The following GATAD2A variants were observed in gnomAD, a reference collection of about 807,000 sequenced individuals.
GATAD2A encodes the protein GATA zinc finger domain containing 2A.
GATAD2A carries 12 observed loss-of-function variants against 68.5 expected under a neutral mutation model. That is an observed-to-expected ratio of 0.18 (90% CI 0.11 to 0.28). The LOEUF (loss-of-function observed/expected upper bound fraction) is 0.28. Among genes scored for constraint, GATAD2A ranks in the 10% least tolerant of loss-of-function variants. The probability of loss-of-function intolerance (pLI) is 1.00; values close to 1 mark genes in which losing one functional copy is unlikely to be tolerated. For synonymous variants in GATAD2A, 410 were observed against 375.3 expected (o/e 1.09, Z -1.07); for missense variants, 755 against 868.5 (o/e 0.87, Z 1.64).
intron 1 of GATAD2A, among the ~76,000 whole-genome samples, chr19:19,441,047 C>T (rs2055010413): frequency 6.6e-6 from 1 of 150,638 alleles, no homozygotes; most frequent in African/African-American, 2.4e-5. Context: ...TCTTTCCTTC[C>T]CTTCCTTCCG....
intron 1 of GATAD2A, among the ~76,000 whole-genome samples, chr19:19,430,465 T>C (rs1600102310): frequency 6.6e-6 from 1 of 152,050 alleles, no homozygotes; most frequent in East Asian, 1.9e-4. Context: ...AGGTGAACGG[T>C]GTTGTTGGGT....
chr19:19,452,271 C>T (rs2056472465), intron 1 of GATAD2A, among the ~76,000 whole-genome samples: 1 of 152,118 alleles, frequency 6.6e-6, no homozygotes, highest in South Asian at 2.1e-4. Context: ...TCTTGTTGCC[C>T]TTGGCTTCCC....
intron 2 of GATAD2A, among the ~76,000 whole-genome samples, chr19:19,466,580 C>T (rs531975718): frequency 1.1e-4 from 17 of 152,298 alleles, no homozygotes; most frequent in African/African-American, 2.6e-4. Context: ...ATGTCAAATT[C>T]GTTTTTGGAA....
Position 19,486,678 on chromosome 19 carries a change from A to G in GATAD2A, c.270-5628A>G, listed in dbSNP as rs909387449. Among the ~76,000 whole-genome samples the G allele has an allele frequency of 3.3e-5, 5 of 152,160 alleles. No individual in the cohort carries two copies. In the South Asian group the frequency reaches 8.3e-4, roughly 25 times the overall value. On this transcript the variant is annotated intron_variant, in intron 2 of 11. Transcript: ENST00000683918. Reference sequence around the variant, plus strand: ...CATTCTAGGGGCATGCAGGGTGGCTATGAGTGCTCTCAGGAAGGTCACTGT... The same window carrying G: ...CATTCTAGGGGCATGCAGGGTGGCTGTGAGTGCTCTCAGGAAGGTCACTGT...
chr19:19,422,275 T>A (rs1037833810), intron 1 of GATAD2A, among the ~76,000 whole-genome samples: 1 of 152,202 alleles, frequency 6.6e-6, no homozygotes, highest in Non-Finnish European at 1.5e-5. Flanking sequence ...GATTGCTTGC[T>A]TCCCACCGCA....
intron 1 of GATAD2A, among the ~76,000 whole-genome samples, chr19:19,409,281 C>A (rs576809559): frequency 6.6e-6 from 1 of 152,090 alleles, no homozygotes; most frequent in South Asian, 2.1e-4. Flanking sequence ...CCTTTCCCCC[C>A]CATAATTGAG....
chr19:19,412,803 G>C (rs1373739505), intron 1 of GATAD2A, among the ~76,000 whole-genome samples: 1 of 152,142 alleles, frequency 6.6e-6, no homozygotes, highest in Non-Finnish European at 1.5e-5. Flanking sequence ...TCTTACCTTA[G>C]AGACGGCTGC....
At chr19:19,495,383 A>T (rs1430501460) in intron 5 of GATAD2A, among the ~76,000 whole-genome samples, 1 of 151,876 alleles carries the variant, frequency 6.6e-6, no homozygotes, top group Admixed American at 6.6e-5. Flanking sequence ...ATCTTGGGTC[A>T]CTGCAACCTC....
rs977530840 is a variant in GATAD2A at position 19,496,126 on chromosome 19, C to T, written c.831C>T (p.Pro277=). 6.2e-7 allele frequency: 1 copy of T among 1,613,632 alleles called. No individual in the cohort carries two copies. ...TCCTGGCCCCCCGGGCGTCGGTGCC[C>T]AGTGTGCAGATTCAGGGACAGAGGA... ...PLLLAPRASV[P]SVQIQGQRII... is the part of the protein sequence containing the mutation. The change falls in exon 7 of 12, where the codon CCC becomes CCT. Residue 277 remains proline, a synonymous_variant. Coordinates refer to ENST00000683918, the MANE Select transcript of GATAD2A (RefSeq NM_001384528.1).
intron 1 of GATAD2A, among the ~76,000 whole-genome samples, chr19:19,425,829 G>A (rs2053015965): frequency 2.0e-5 from 3 of 150,568 alleles, no homozygotes; most frequent in Non-Finnish European, 3.0e-5. Flanking sequence ...TGGCTCTGTC[G>A]CCCAGGCTGG....
At position 19,473,527 on chromosome 19, in the gene GATAD2A, A is replaced by G. The variant is rs118143853; in HGVS notation, c.269+7913A>G. On this transcript the variant is annotated intron_variant, in intron 2 of 11. Transcript: ENST00000683918. The stretch of plus-strand genomic sequence containing the variant: ...TTTTTAGACTTTTGCAGTCACCAAG[A>G]GGGCGGTGGGGTGACACATCTGTGT... 5.2e-3 allele frequency among the ~76,000 whole-genome samples: 798 copies of G among 152,264 alleles called. 6 individuals carry two copies. The highest frequency in any genetic ancestry group is 0.04 in the South Asian group (194 of 4,816).
Position 19,465,563 on chromosome 19 carries a change from G to A in GATAD2A, c.218G>A (p.Arg73Lys). 6.2e-7 allele frequency: 1 copy of A among 1,613,832 alleles called. No individual in the cohort carries two copies. The highest frequency in any genetic ancestry group is 8.5e-7 in the Non-Finnish European group (1 of 1,179,776). Residue 73 changes from arginine to lysine, a missense_variant, in exon 2 of 12, where the codon AGA (arginine) becomes AAA (lysine). By Grantham distance (26) the Arg-to-Lys change is conservative. Transcript: ENST00000683918. ...GAGGCCACGGCCATGGCCATGGGCA[G>A]AGGCGAAGGGCTGGTGGGCGATGGG... is the stretch of plus-strand genomic sequence containing the variant. ...ATEATAMAMG[R>K]GEGLVGDGPV...
intron 1 of GATAD2A, among the ~76,000 whole-genome samples, chr19:19,430,999 G>GTC (rs2053676234): frequency 6.6e-6 from 1 of 151,372 alleles, no homozygotes; most frequent in Middle Eastern, 3.2e-3. Context: ...GTGTGTGTGT[G>GTC]TGTGTGTGTG....
chr19:19,421,819 T>G (rs1410664478), intron 1 of GATAD2A, among the ~76,000 whole-genome samples: 1 of 152,026 alleles, frequency 6.6e-6, no homozygotes, highest in Non-Finnish European at 1.5e-5. Flanking sequence ...TCTCTCTTTT[T>G]TTTTTTTCTT....
intron 4 of GATAD2A, 141 bp downstream of exon 4, chr19:19,492,853 G>T: frequency 1.4e-6 from 1 of 716,478 alleles, no homozygotes; most frequent in Non-Finnish European, 2.3e-6. Flanking sequence ...CGCATTTGTG[G>T]ACTCCAGTGT....
intron 7 of GATAD2A, among the ~76,000 whole-genome samples, chr19:19,497,390 C>G (rs1429018747): frequency 6.6e-6 from 1 of 152,278 alleles, no homozygotes; most frequent in African/African-American, 2.4e-5. Flanking sequence ...GCCACCACAT[C>G]CTGCCCACCC....
At chr19:19,406,481 T>G in intron 1 of GATAD2A, among the ~76,000 whole-genome samples, 1 of 146,562 alleles carries the variant, frequency 6.8e-6, no homozygotes, top group East Asian at 2.2e-4. Context: ...CGGCGGCGGA[T>G]CCCGTGTCAG....
intron 2 of GATAD2A, among the ~76,000 whole-genome samples, chr19:19,469,660 A>AT (rs776638429): frequency 1.1e-4 from 17 of 152,164 alleles, no homozygotes; most frequent in Non-Finnish European, 2.1e-4. Flanking sequence ...AAGAAGCAAG[A>AT]TTCAGGCTGG....
intron 1 of GATAD2A, among the ~76,000 whole-genome samples, chr19:19,411,980 T>C (rs1176610695): frequency 6.6e-6 from 1 of 152,092 alleles, no homozygotes; most frequent in Non-Finnish European, 1.5e-5. Context: ...AGCTCACGTC[T>C]GTAATCCTAG....
Sources: gnomAD v4.1 joint callset for allele counts (sites outside exome capture counted in the v4.1 genomes callset) on GRCh38, gnomAD v4.1.1 for gene constraint, MANE v1.5 for transcripts, NCBI Gene and HGNC (gene_info 2026-07-23, HGNC 2026-07-21) for gene names.